Variants in KLHL14 observed in about 807,000 individuals in gnomAD.
KLHL14 encodes kelch-like protein 14.
A neutral mutation model predicts 64.3 loss-of-function variants in KLHL14; 22 were observed. The observed-to-expected ratio is 0.34, with a 90% CI of 0.24 to 0.49. The LOEUF (loss-of-function observed/expected upper bound fraction) is 0.49, where lower values mean the gene tolerates loss of function less well. Among genes scored for constraint, KLHL14 ranks in the 20% least tolerant of loss-of-function variants. The pLI, the probability that KLHL14 is intolerant of heterozygous loss-of-function variation, is 0.99. For missense variants in KLHL14, 661 were observed against 789.0 expected, an observed-to-expected ratio of 0.84 and a Z score of 1.94; for synonymous variants, 322 against 333.4, an observed-to-expected ratio of 0.97 and a Z score of 0.37.
intron 4 of KLHL14, among the ~76,000 whole-genome samples, chr18:32,689,706 A>C (rs776196282): frequency 6.6e-6 from 1 of 152,230 alleles, no homozygotes; most frequent in Non-Finnish European, 1.5e-5. Flanking sequence ...AGAAGGAATG[A>C]GGAACAGACT....
intron 4 of KLHL14, among the ~76,000 whole-genome samples, chr18:32,690,742 A>G (rs1345149597): frequency 6.6e-6 from 1 of 152,146 alleles, no homozygotes; most frequent in East Asian, 1.9e-4. Context: ...AAAACAAAAC[A>G]AAATAAAACA....
intron 3 of KLHL14, among the ~76,000 whole-genome samples, chr18:32,703,943 A>G (rs2049978020): frequency 6.6e-6 from 1 of 152,110 alleles, no homozygotes; most frequent in African/African-American, 2.4e-5. Context: ...TTTCAGAGAC[A>G]TGTCAATGAA....
At chr18:32,717,335 G>A (rs887115461) in intron 3 of KLHL14, among the ~76,000 whole-genome samples, 1 of 152,188 alleles carries the variant, frequency 6.6e-6, no homozygotes, top group Non-Finnish European at 1.5e-5. Flanking sequence ...TTGAAATTTA[G>A]ACTATGTCAT....
At chr18:32,695,637 G>C in intron 3 of KLHL14, 85 bp from the exon 4 acceptor site, 1 of 813,502 alleles carries the variant, frequency 1.2e-6, no homozygotes, top group Non-Finnish European at 2.0e-6. Flanking sequence ...TTGTTTCACT[G>C]AAGTGCATAA....
At chr18:32,734,443 C>T (rs2050153052) in intron 3 of KLHL14, among the ~76,000 whole-genome samples, 2 of 152,256 alleles carry the variant, frequency 1.3e-5, no homozygotes, top group African/African-American at 2.4e-5. Flanking sequence ...ATCATTTTCT[C>T]TTGTCAGTTT....
At chr18:32,752,066 G>A (rs2050255918) in intron 2 of KLHL14, among the ~76,000 whole-genome samples, 1 of 152,170 alleles carries the variant, frequency 6.6e-6, no homozygotes, top group African/African-American at 2.4e-5. Flanking sequence ...GGTGGAGGTT[G>A]CTGTGAGCTG....
At chr18:32,757,005 A>G (rs2050285628) in intron 2 of KLHL14, among the ~76,000 whole-genome samples, 1 of 152,206 alleles carries the variant, frequency 6.6e-6, no homozygotes, top group Non-Finnish European at 1.5e-5. Flanking sequence ...CCACACTATG[A>G]TCCCTACCAT....
chr18:32,733,092 T>G (rs181084301), intron 3 of KLHL14, among the ~76,000 whole-genome samples: 3 of 152,278 alleles, frequency 2.0e-5, no homozygotes, highest in African/African-American at 7.2e-5. Context: ...ATCTAGGGTG[T>G]GTAGCCTTGG....
chr18:32,738,611 TATG>T (rs1053952154), intron 3 of KLHL14: 2 of 152,186 alleles, frequency 1.3e-5, no homozygotes, highest in African/African-American at 4.8e-5. Flanking sequence ...AATCAGTTTT[TATG>T]ATGATATATG....
intron 2 of KLHL14, among the ~76,000 whole-genome samples, chr18:32,766,261 T>A (rs1307114370): frequency 6.6e-6 from 1 of 152,112 alleles, no homozygotes; most frequent in Non-Finnish European, 1.5e-5. Flanking sequence ...ATTGCTAAAT[T>A]ATACATTAAA....
Position 32,757,557 on chromosome 18 carries a change from A to C in KLHL14, c.947+12088T>G, listed in dbSNP as rs570761704. On this transcript the variant is annotated intron_variant, in intron 2 of 8. Coordinates refer to ENST00000359358, the MANE Select transcript of KLHL14 (RefSeq NM_020805.3). Reference sequence around the variant, plus strand: ...TACTTCTTCTTCTATAGTGCTTCTTATCAGTTATCATGTCTTGGAAGTCAA... The same window carrying C: ...TACTTCTTCTTCTATAGTGCTTCTTCTCAGTTATCATGTCTTGGAAGTCAA... Among the ~76,000 whole-genome samples the C allele has an allele frequency of 1.4e-4, 22 of 152,304 alleles. No homozygotes were observed. In the South Asian group the frequency reaches 4.4e-3, roughly 30 times the overall value.
intron 4 of KLHL14, among the ~76,000 whole-genome samples, chr18:32,692,732 C>T (rs967019208): frequency 7.2e-5 from 11 of 152,180 alleles, no homozygotes; most frequent in Admixed American, 2.0e-4. Context: ...CTAAAGATGA[C>T]TGCTCTGAAA....
At chr18:32,727,533 T>C (rs2050114038) in intron 3 of KLHL14, among the ~76,000 whole-genome samples, 1 of 152,210 alleles carries the variant, frequency 6.6e-6, no homozygotes, top group Non-Finnish European at 1.5e-5. Context: ...TAATGATAGA[T>C]TGAAACCAAA....
At chr18:32,729,393 T>C (rs1377426671) in intron 3 of KLHL14, among the ~76,000 whole-genome samples, 6 of 152,176 alleles carry the variant, frequency 3.9e-5, no homozygotes, top group East Asian at 3.9e-4. Flanking sequence ...ATTTAACACA[T>C]ACAATAGTCA....
At chr18:32,743,826 A>G (rs1365865980) in intron 2 of KLHL14, 4 of 152,228 alleles carry the variant, frequency 2.6e-5, no homozygotes, top group Non-Finnish European at 4.4e-5. Context: ...CATAATTCAC[A>G]TGCTATATAA....
Position 32,680,729 on chromosome 18 carries a change from T to TA in KLHL14, c.1239-131dup, listed in dbSNP as rs1415437742. The stretch of plus-strand genomic sequence containing the variant: ...TGCTTCAGAAAGGGTTGCAAATCTT[T>TA]AAAAATTACACGTATACCTTATAAT... On this transcript the variant is annotated intron_variant, in intron 5 of 8. Coordinates refer to ENST00000359358, the MANE Select transcript of KLHL14 (RefSeq NM_020805.3). This position sits in a 1 kb window ranked among gnomAD's most constrained non-coding sequence, Gnocchi z 4.8. 6.3e-6 allele frequency: 5 copies of TA among 795,270 alleles called. No homozygotes were observed. Among genetic ancestry groups the TA allele is most frequent in the Non-Finnish European group, 9.8e-6 (5 of 509,018 alleles). The allele number at this position is 795,270 out of a possible 1,614,324, so 49.3% of individuals were successfully genotyped here.
At chr18:32,704,410 A>G (rs1156236084) in intron 3 of KLHL14, among the ~76,000 whole-genome samples, 1 of 152,182 alleles carries the variant, frequency 6.6e-6, no homozygotes, top group Non-Finnish European at 1.5e-5. Context: ...CCTACAAGGT[A>G]TCAGAAGGTC....
intron 2 of KLHL14, among the ~76,000 whole-genome samples, chr18:32,756,961 G>T (rs758458130): frequency 6.6e-6 from 1 of 152,124 alleles, no homozygotes; most frequent in Non-Finnish European, 1.5e-5. Context: ...ACATACTTTT[G>T]ATAATACCTT....
rs181923288 is a variant in KLHL14, at chr18:32,767,135, T to C, written c.947+2510A>G. ...TGTCTTCAATGAAAGTGATGTAATC[T>C]CAAAAACAATTGGTTAACACATTTA... On this transcript the variant is annotated intron_variant, in intron 2 of 8. Coordinates refer to ENST00000359358, the MANE Select transcript of KLHL14 (RefSeq NM_020805.3). 3.7e-3 allele frequency among the ~76,000 whole-genome samples: 557 copies of C among 152,328 alleles called. 8 individuals are homozygous for C. The highest frequency in any genetic ancestry group is 2.6e-3 in the Non-Finnish European group (177 of 68,010).
Sources: gnomAD v4.1 joint callset for allele counts (sites outside exome capture counted in the v4.1 genomes callset) on GRCh38, gnomAD v4.1.1 for gene constraint, Gnocchi (gnomAD v3.1) non-coding constraint, MANE v1.5 for transcripts, NCBI Gene and HGNC (gene_info 2026-07-23, HGNC 2026-07-21) for gene names.